NSMAF: variants seen among roughly 807,000 people sequenced by gnomAD.
NSMAF encodes the protein neutral sphingomyelinase activation associated factor.
A neutral mutation model predicts 134.9 loss-of-function variants in NSMAF; 90 were observed. That is an observed-to-expected ratio of 0.67 (90% CI 0.56 to 0.79). NSMAF has a LOEUF of 0.79. Ranked by LOEUF, NSMAF falls within the 30% of genes least tolerant of loss-of-function variation. NSMAF has a pLI of 0.00. For synonymous variants in NSMAF, 358 were observed against 389.6 expected (o/e 0.92, Z 0.96); for missense variants, 1,010 against 1,119.0 (o/e 0.90, Z 1.39).
At chr8:58,586,357 T>C in intron 28 of NSMAF, 101 bp downstream of exon 28, 3 of 1,224,812 alleles carry the variant, frequency 2.4e-6, no homozygotes, top group Non-Finnish European at 3.5e-6. Context: ...AATAGTGTTT[T>C]TCTTTGTAAG....
chr8:58,621,494 A>G (rs1375262358), intron 9 of NSMAF, among the ~76,000 whole-genome samples: 1 of 152,196 alleles, frequency 6.6e-6, no homozygotes, highest in African/African-American at 2.4e-5. Context: ...CTGCTGGGTC[A>G]AATGGTAGCT....
intron 9 of NSMAF, among the ~76,000 whole-genome samples, chr8:58,618,087 C>G (rs1806703772): frequency 6.6e-6 from 1 of 152,176 alleles, no homozygotes; most frequent in Admixed American, 6.5e-5. Flanking sequence ...CACATGTCCT[C>G]ACTCATAGGT....
chr8:58,635,561 A>G lies in NSMAF; in HGVS notation c.150-15T>C. Reference sequence around the variant, plus strand: ...CTCTGATTTTCCTAGGGATCCAAGTACAACAGATTGTTTGATGAGCATAAC... The same window carrying G: ...CTCTGATTTTCCTAGGGATCCAAGTGCAACAGATTGTTTGATGAGCATAAC... On this transcript the variant is annotated splice_polypyrimidine_tract_variant and intron_variant, in intron 2 of 30. Coordinates refer to ENST00000038176, the MANE Select transcript of NSMAF (RefSeq NM_003580.4). 7 of 1,519,554 alleles carry G rather than the reference A, an allele frequency of 4.6e-6. No individual in the cohort carries two copies. Among genetic ancestry groups the G allele is most frequent in the Admixed American group, 2.0e-5 (1 of 49,514 alleles). The allele number at this position is 1,519,554 out of a possible 1,614,324, so 94.1% of individuals were successfully genotyped here.
intron 26 of NSMAF, 64 bp downstream of exon 26, chr8:58,589,388 T>G: frequency 7.7e-7 from 1 of 1,305,628 alleles, no homozygotes; most frequent in East Asian, 2.8e-5. Flanking sequence ...CATTTTAAGC[T>G]AAAAATTATA....
Position 58,649,814 on chromosome 8 carries a change from T to C in NSMAF, c.60-6741A>G, listed in dbSNP as rs1201601543. Among the ~76,000 whole-genome samples the C allele has an allele frequency of 2.6e-5, 4 of 152,208 alleles. No individual in the cohort carries two copies. The East Asian group carries it at 5.8e-4, about 22-fold the overall frequency. On this transcript the variant is annotated intron_variant, in intron 1 of 30. Coordinates refer to ENST00000038176, the MANE Select transcript of NSMAF (RefSeq NM_003580.4). ...GAGGCTTCACCAGAAGCCAAGCACA[T>C]GCCAGTGCCATCCTTCTTTCCTGTA... is the stretch of plus-strand genomic sequence containing the variant.
rs187183752 is a variant in NSMAF, at chr8:58,630,024, A to G, written c.384+1472T>C. The stretch of plus-strand genomic sequence containing the variant: ...CCTGAAAAGTCAGAACTCTGGATGT[A>G]TAGTCCAATTTTCTCTTTCCCTCTC... On this transcript the variant is annotated intron_variant, in intron 6 of 30. Coordinates refer to ENST00000038176, the MANE Select transcript of NSMAF (RefSeq NM_003580.4). Among the ~76,000 whole-genome samples the G allele has an allele frequency of 2.3e-3, 348 of 152,348 alleles. 4 individuals are homozygous for G. Among genetic ancestry groups the G allele is most frequent in the African/African-American group, 7.8e-3 (325 of 41,584 alleles).
At chr8:58,600,143 T>C in intron 16 of NSMAF, 122 bp from the exon 17 acceptor site, 1 of 718,626 alleles carries the variant, frequency 1.4e-6, no homozygotes, top group Non-Finnish European at 2.4e-6. Flanking sequence ...CATTTCCACA[T>C]AGTTCTAACC....
chr8:58,659,385 C>T (rs1351160865), intron 1 of NSMAF, 188 bp downstream of exon 1: 7 of 1,518,056 alleles, frequency 4.6e-6, no homozygotes, highest in South Asian at 1.2e-5. Flanking sequence ...CCAGACCAGG[C>T]CCCCGGCCTC....
chr8:58,647,235 T>C (rs1807477568), intron 1 of NSMAF, among the ~76,000 whole-genome samples: 1 of 152,226 alleles, frequency 6.6e-6, no homozygotes, highest in African/African-American at 2.4e-5. Flanking sequence ...TTGCCACCTC[T>C]ACTCTCAATA....
chr8:58,633,655 C>T (rs1350750481), intron 5 of NSMAF, among the ~76,000 whole-genome samples: 5 of 152,090 alleles, frequency 3.3e-5, no homozygotes, highest in African/African-American at 4.8e-5. Context: ...ATCCATGAGT[C>T]GAATCTGTTA....
intron 2 of NSMAF, among the ~76,000 whole-genome samples, chr8:58,642,600 T>A (rs1357903482): frequency 6.6e-6 from 1 of 152,184 alleles, no homozygotes; most frequent in Non-Finnish European, 1.5e-5. Flanking sequence ...ACAAGAGGGA[T>A]GCAACAAAAA....
chr8:58,618,454 T>A (rs1256053200), intron 9 of NSMAF, among the ~76,000 whole-genome samples: 2 of 152,126 alleles, frequency 1.3e-5, no homozygotes, highest in East Asian at 3.9e-4. Context: ...AATATGATAA[T>A]GGTATCAAGG....
chr8:58,606,994 CTGCTATT>C lies in NSMAF; in HGVS notation c.759+768_759+774del, dbSNP rs1414738812. On this transcript the variant is annotated intron_variant, in intron 11 of 30. Coordinates refer to ENST00000038176, the MANE Select transcript of NSMAF (RefSeq NM_003580.4). ...TTTTAATAGTATCTGTTTCCCTGAT[CTGCTATT>C]AGTGCTGGAAATGGAGGAATGGCCT... Among the ~76,000 whole-genome samples the C allele has an allele frequency of 5.9e-5, 9 of 152,280 alleles. No homozygotes were observed. The East Asian group carries it at 1.5e-3, about 26-fold the overall frequency.
intron 12 of NSMAF, among the ~76,000 whole-genome samples, chr8:58,603,702 A>T (rs895289894): frequency 6.6e-6 from 1 of 150,608 alleles, no homozygotes; most frequent in Non-Finnish European, 1.5e-5. Context: ...TTTATACAGT[A>T]ACAAAGAATC....
In NSMAF at chr8:58,606,782, C is replaced by T. The variant is rs1001865311; in HGVS notation, c.760-747G>A. On this transcript the variant is annotated intron_variant, in intron 11 of 30. Transcript: ENST00000038176. ...GCTTTCACCATGTACTAGCTGGGAG[C>T]TTAGGAAGTTAACCCCCGGAGTCTC... Among the ~76,000 whole-genome samples the T allele has an allele frequency of 4.6e-5, 7 of 152,264 alleles. No homozygotes were observed. In the East Asian group the frequency reaches 5.8e-4, roughly 13 times the overall value.
rs371510352 is a variant in NSMAF, at chr8:58,599,983, G to A, written c.1319C>T (p.Thr440Met). 65 of 1,613,700 alleles carry A rather than the reference G, an allele frequency of 4.0e-5. No homozygotes were observed. The highest frequency in any genetic ancestry group is 3.8e-4 in the East Asian group (17 of 44,890). The change falls in exon 17 of 31, where the codon ACG (threonine) becomes ATG (methionine). Residue 440 changes from threonine to methionine, a missense_variant. Transcript: ENST00000038176. ...ETWKNCLDGA[T>M]DFKELIPEFY... ...TTAACTGCTTACCTCTTTAAAATCC[G>A]TTGCACCATCCAGACAGTTTTTCCA...
intron 29 of NSMAF, 51 bp from the exon 30 acceptor site, chr8:58,585,812 T>TGTTG (rs1805870858): frequency 6.3e-7 from 1 of 1,589,344 alleles, no homozygotes; most frequent in Non-Finnish European, 8.6e-7. Context: ...AGGAAGGATA[T>TGTTG]GTTGAACTGG....
chr8:58,635,258 C>A, intron 4 of NSMAF, 33 bp from the exon 5 acceptor site: 4 of 1,608,174 alleles, frequency 2.5e-6, no homozygotes, highest in Non-Finnish European at 3.4e-6. Context: ...TAAATATATA[C>A]AGCTTTTTGG....
At chr8:58,610,772 C>G (rs1806511542) in intron 9 of NSMAF, among the ~76,000 whole-genome samples, 1 of 152,154 alleles carries the variant, frequency 6.6e-6, no homozygotes. Flanking sequence ...GACTGAGGTG[C>G]AAAACAAGGG....
Sources: gnomAD v4.1 joint callset for allele counts (sites outside exome capture counted in the v4.1 genomes callset) on GRCh38, gnomAD v4.1.1 for gene constraint, MANE v1.5 for transcripts, NCBI Gene and HGNC (gene_info 2026-07-23, HGNC 2026-07-21) for gene names.